The following PLPPR1 variants were observed in gnomAD, a reference collection of about 807,000 sequenced individuals.
The protein encoded by PLPPR1 is phospholipid phosphatase-related protein type 1.
PLPPR1 carries 10 observed loss-of-function variants against 33.1 expected under a neutral mutation model. The observed-to-expected ratio is 0.30, with a 90% CI of 0.19 to 0.51. The LOEUF (loss-of-function observed/expected upper bound fraction) is 0.51, where lower values mean the gene tolerates loss of function less well. PLPPR1 is among the 20% of genes least tolerant of loss of function. The pLI, the probability that PLPPR1 is intolerant of heterozygous loss-of-function variation, is 0.97. For missense variants in PLPPR1, 304 were observed against 408.1 expected (o/e 0.74, Z 2.20); for synonymous variants, 151 against 151.0 (o/e 1.00, Z 0.00).
intron 1 of PLPPR1, among the ~76,000 whole-genome samples, chr9:101,176,051 G>C (rs1244124175): frequency 6.6e-6 from 1 of 152,208 alleles, no homozygotes; most frequent in Non-Finnish European, 1.5e-5. Flanking sequence ...TATTGGAGAA[G>C]CTGGCAACCA....
intron 1 of PLPPR1, among the ~76,000 whole-genome samples, chr9:101,130,131 T>C (rs4742806): frequency 0.15 from 22,756 of 152,148 alleles, 2,084 homozygotes; most frequent in Non-Finnish European, 0.2. Flanking sequence ...TCAAATGTCA[T>C]CAAATTTACA....
intron 3 of PLPPR1, among the ~76,000 whole-genome samples, chr9:101,272,535 A>G (rs1828119706): frequency 6.6e-6 from 1 of 152,178 alleles, no homozygotes; most frequent in African/African-American, 2.4e-5. Context: ...AATTTCCATC[A>G]GAAGTAAAGA....
At chr9:101,262,789 T>A (rs1827924139) in intron 2 of PLPPR1, among the ~76,000 whole-genome samples, 1 of 152,154 alleles carries the variant, frequency 6.6e-6, no homozygotes, top group Non-Finnish European at 1.5e-5. Context: ...ATAAAGAAAT[T>A]GTGGCACATA....
rs960756041 is a variant in PLPPR1 at position 101,270,632 on chromosome 9, AT to A, written c.252+567del. Among the ~76,000 whole-genome samples, 7 of 152,188 alleles carry A rather than the reference AT, an allele frequency of 4.6e-5. No homozygotes were observed. The East Asian group carries it at 1.2e-3, about 25-fold the overall frequency. On this transcript the variant is annotated intron_variant, in intron 3 of 7. Transcript: ENST00000374874. ...TTAAGTTGCAACTTTACCTTCATAT[AT>A]TTCATTTTCCCTTTCATGAGGCAAA...
At chr9:101,260,559 C>G (rs1827880524) in intron 2 of PLPPR1, among the ~76,000 whole-genome samples, 1 of 152,152 alleles carries the variant, frequency 6.6e-6, no homozygotes. Flanking sequence ...ACTGAGATTT[C>G]TAGCCTGTGT....
intron 2 of PLPPR1, among the ~76,000 whole-genome samples, chr9:101,230,391 G>T (rs896351715): frequency 6.6e-6 from 1 of 152,056 alleles, no homozygotes; most frequent in Non-Finnish European, 1.5e-5. Flanking sequence ...ATAAACCCTG[G>T]CCTCTGTCCA....
chr9:101,215,682 C>T (rs1826779434), intron 2 of PLPPR1, among the ~76,000 whole-genome samples: 1 of 151,676 alleles, frequency 6.6e-6, no homozygotes, highest in Admixed American at 6.6e-5. Context: ...TACTCTCTAT[C>T]TCCATTAGCT....
intron 4 of PLPPR1, among the ~76,000 whole-genome samples, chr9:101,306,227 A>G (rs766344813): frequency 2.0e-5 from 3 of 152,066 alleles, no homozygotes; most frequent in Non-Finnish European, 2.9e-5. Context: ...GGGGTTCCCA[A>G]TCTACACCCC....
At chr9:101,253,424 G>T in intron 2 of PLPPR1, among the ~76,000 whole-genome samples, 1 of 151,910 alleles carries the variant, frequency 6.6e-6, no homozygotes, top group East Asian at 1.9e-4. Flanking sequence ...GCGTACACCT[G>T]TAATTACAGC....
intron 2 of PLPPR1, among the ~76,000 whole-genome samples, chr9:101,245,289 G>A (rs1473072180): frequency 6.6e-6 from 1 of 151,934 alleles, no homozygotes; most frequent in Non-Finnish European, 1.5e-5. Flanking sequence ...ATGAACTTCA[G>A]CTACGTGCAA....
rs1239001238 is a variant in PLPPR1, at chr9:101,227,829, T to C, written c.64-42051T>C. ...TCTCACTCTTTTGCCCAGGCTGGAG[T>C]GCAGTGGTGTGATCTCAGCTCACTG... is the stretch of plus-strand genomic sequence containing the variant. On this transcript the variant is annotated intron_variant, in intron 2 of 7. Transcript: ENST00000374874. Among the ~76,000 whole-genome samples the C allele has an allele frequency of 4.6e-5, 7 of 152,324 alleles. No individual in the cohort carries two copies. In the East Asian group the frequency reaches 1.2e-3, roughly 25 times the overall value.
intron 7 of PLPPR1, among the ~76,000 whole-genome samples, chr9:101,320,268 C>G (rs931483812): frequency 6.6e-6 from 1 of 152,146 alleles, no homozygotes; most frequent in Non-Finnish European, 1.5e-5. Context: ...CCAAAGGACC[C>G]TCCAGACCCC....
chr9:101,095,329 G>GTA (rs906554167), intron 1 of PLPPR1, among the ~76,000 whole-genome samples: 4 of 152,122 alleles, frequency 2.6e-5, no homozygotes, highest in African/African-American at 9.7e-5. Flanking sequence ...TAGAATTATA[G>GTA]TAGCTGATTG....
chr9:101,064,702 G>A (rs567951744), intron 1 of PLPPR1, among the ~76,000 whole-genome samples: 1 of 152,132 alleles, frequency 6.6e-6, no homozygotes, highest in African/African-American at 2.4e-5. Context: ...ATCTGAGACT[G>A]AGTAATTTAT....
At chr9:101,317,238 C>A in intron 6 of PLPPR1, 127 bp from the exon 7 acceptor site, 2 of 962,732 alleles carry the variant, frequency 2.1e-6, no homozygotes, top group South Asian at 1.6e-5. Context: ...TAGTCCCTTT[C>A]CCCTCTCTCA....
chr9:101,197,336 CT>C (rs1231735198), intron 2 of PLPPR1, among the ~76,000 whole-genome samples: 1 of 152,314 alleles, frequency 6.6e-6, no homozygotes, highest in East Asian at 1.9e-4. Context: ...TGCTCCCAAA[CT>C]TGATGTCTCA....
chr9:101,136,809 G>C lies in PLPPR1; in HGVS notation c.-45-48641G>C, dbSNP rs574556524. The stretch of plus-strand genomic sequence containing the variant: ...ATGATGGGTACCTGAAGCTGGGAAG[G>C]GTAGTGGGGGCAGTGGACAGGGGTG... On this transcript the variant is annotated intron_variant, in intron 1 of 7. Transcript: ENST00000374874. 3.3e-5 allele frequency among the ~76,000 whole-genome samples: 5 copies of C among 152,128 alleles called. 1 individual carries two copies. The South Asian group carries it at 1.0e-3, about 32-fold the overall frequency.
rs150096463 is a variant in PLPPR1, at chr9:101,088,524, T to G, written c.-46+59422T>G. Among the ~76,000 whole-genome samples, 179 of 152,266 alleles carry G rather than the reference T, an allele frequency of 1.2e-3. 2 individuals carry two copies. The highest frequency in any genetic ancestry group is 2.8e-4 in the Non-Finnish European group (19 of 67,992). ...AATTGCCAGATGAATAGCATAGAAG[T>G]TGAAAATAAATAGTCTCACTTTGTG... is the stretch of plus-strand genomic sequence containing the variant. On this transcript the variant is annotated intron_variant, in intron 1 of 7. Coordinates refer to ENST00000374874, the MANE Select transcript of PLPPR1 (RefSeq NM_207299.2).
chr9:101,306,702 G>A (rs1051575766), intron 4 of PLPPR1, among the ~76,000 whole-genome samples: 1 of 152,130 alleles, frequency 6.6e-6, no homozygotes, highest in Non-Finnish European at 1.5e-5. Context: ...AGGGGTGTGG[G>A]GTTACAGAAA....
Sources: gnomAD v4.1 joint callset for allele counts (sites outside exome capture counted in the v4.1 genomes callset) on GRCh38, gnomAD v4.1.1 for gene constraint, MANE v1.5 for transcripts, NCBI Gene and HGNC (gene_info 2026-07-23, HGNC 2026-07-21) for gene names.